MITF: variants seen among roughly 807,000 people sequenced by gnomAD.
MITF encodes the protein microphthalmia-associated transcription factor.
MITF carries 17 observed loss-of-function variants against 60.5 expected under a neutral mutation model. That is an observed-to-expected ratio of 0.28 (90% CI 0.19 to 0.42). MITF has a LOEUF of 0.42. MITF is among the 10% of genes least tolerant of loss of function. The pLI is 1.00. For synonymous variants in MITF, 260 were observed against 248.5 expected (o/e 1.05, Z -0.43); for missense variants, 622 against 683.5 (o/e 0.91, Z 1.00).
At chr3:69,949,294 A>G in intron 6 of MITF, 126 bp downstream of exon 6, 1 of 733,618 alleles carries the variant, frequency 1.4e-6, no homozygotes, top group Non-Finnish European at 2.5e-6. Flanking sequence ...AGGTCTCTGC[A>G]GTGGTTAAAA....
At chr3:69,829,672 G>GCA (rs34482357) in intron 1 of MITF, among the ~76,000 whole-genome samples, 3,686 of 150,530 alleles carry the variant, frequency 0.024, 100 homozygotes, top group Admixed American at 0.057. Context: ...AGGTGTGGAT[G>GCA]CACACACACA....
At chr3:69,808,900 G>A (rs1253951929) in intron 1 of MITF, among the ~76,000 whole-genome samples, 2 of 152,158 alleles carry the variant, frequency 1.3e-5, no homozygotes, top group East Asian at 3.9e-4. Context: ...AGAAGAGATT[G>A]AACAGGGATG....
chr3:69,923,327 A>G (rs2065510654), intron 2 of MITF, among the ~76,000 whole-genome samples: 1 of 152,200 alleles, frequency 6.6e-6, no homozygotes, highest in Non-Finnish European at 1.5e-5. Flanking sequence ...TACCTGTAAC[A>G]TAGCACTCAG....
intron 7 of MITF, among the ~76,000 whole-genome samples, chr3:69,953,446 C>T (rs2066307896): frequency 6.6e-6 from 1 of 151,974 alleles, no homozygotes; most frequent in Admixed American, 6.6e-5. Context: ...GGAATTAATA[C>T]TCAAGGTTAG....
At chr3:69,771,204 A>G (rs1394392372) in intron 1 of MITF, among the ~76,000 whole-genome samples, 1 of 150,612 alleles carries the variant, frequency 6.6e-6, no homozygotes, top group East Asian at 1.9e-4. Flanking sequence ...GAATTCTTTT[A>G]GGTGGTCACT....
At chr3:69,879,411 G>A (rs2107279244) in intron 2 of MITF, 28 bp downstream of exon 2, 1 of 1,614,018 alleles carries the variant, frequency 6.2e-7, no homozygotes, top group Non-Finnish European at 8.5e-7. Context: ...TTGTTGGTTG[G>A]ACCAAACTCT....
chr3:69,846,453 C>T (rs761961095), intron 1 of MITF, among the ~76,000 whole-genome samples: 1 of 152,122 alleles, frequency 6.6e-6, no homozygotes, highest in Non-Finnish European at 1.5e-5. Flanking sequence ...TAGTCCTTGG[C>T]TCTTGGTAAG....
chr3:69,799,515 A>T (rs189199995), intron 1 of MITF, among the ~76,000 whole-genome samples: 14 of 152,290 alleles, frequency 9.2e-5, no homozygotes, highest in Non-Finnish European at 2.1e-4. Flanking sequence ...GTAGGATGCC[A>T]CGTCTATCTG....
chr3:69,858,956 T>C (rs1484812298), intron 1 of MITF, among the ~76,000 whole-genome samples: 1 of 152,236 alleles, frequency 6.6e-6, no homozygotes, highest in East Asian at 1.9e-4. Context: ...TCTTGTACCA[T>C]GTTAAGTACT....
At chr3:69,956,669 T>A (rs1471676532) in intron 8 of MITF, 139 bp downstream of exon 8, 1 of 726,534 alleles carries the variant, frequency 1.4e-6, no homozygotes, top group Non-Finnish European at 2.4e-6. Context: ...TAAATTCTTC[T>A]TACACCTTTC....
At chr3:69,934,390 G>A (rs1278748447) in intron 2 of MITF, among the ~76,000 whole-genome samples, 1 of 152,086 alleles carries the variant, frequency 6.6e-6, no homozygotes, top group Non-Finnish European at 1.5e-5. Context: ...TTTCTAATAT[G>A]CTAAATATTG....
intron 1 of MITF, among the ~76,000 whole-genome samples, chr3:69,749,177 A>G (rs1344357877): frequency 6.6e-6 from 1 of 152,210 alleles, no homozygotes; most frequent in East Asian, 1.9e-4. Flanking sequence ...ATTGAGATGT[A>G]GCCACACTGT....
intron 1 of MITF, among the ~76,000 whole-genome samples, chr3:69,754,203 T>C (rs904172684): frequency 6.6e-6 from 1 of 151,906 alleles, no homozygotes; most frequent in Non-Finnish European, 1.5e-5. Context: ...GCACCACCCC[T>C]GTTAGTCTCT....
At chr3:69,932,974 C>T (rs2065755982) in intron 2 of MITF, among the ~76,000 whole-genome samples, 1 of 152,022 alleles carries the variant, frequency 6.6e-6, no homozygotes, top group Non-Finnish European at 1.5e-5. Context: ...AACAAATTAT[C>T]TCTCTAAACA....
At chr3:69,747,317 T>C (rs749182069) in intron 1 of MITF, among the ~76,000 whole-genome samples, 25 of 152,200 alleles carry the variant, frequency 1.6e-4, no homozygotes, top group Non-Finnish European at 2.6e-4. Context: ...GAAGGGGGCT[T>C]TTTATTCGGT....
chr3:69,794,433 A>G (rs1280432518), intron 1 of MITF, among the ~76,000 whole-genome samples: 2 of 152,200 alleles, frequency 1.3e-5, no homozygotes, highest in Non-Finnish European at 2.9e-5. Flanking sequence ...TTTTCCAAAT[A>G]GATGACTGTA....
At chr3:69,750,306 C>T (rs1703883007) in intron 1 of MITF, among the ~76,000 whole-genome samples, 1 of 151,614 alleles carries the variant, frequency 6.6e-6, no homozygotes, top group South Asian at 2.1e-4. Flanking sequence ...AAGTGAATCC[C>T]AGGATTTTCT....
chr3:69,847,391 T>C (rs2063750540), intron 1 of MITF, among the ~76,000 whole-genome samples: 1 of 152,192 alleles, frequency 6.6e-6, no homozygotes, highest in South Asian at 2.1e-4. Flanking sequence ...CTAGAGGAGA[T>C]TGAAAAGGCT....
intron 1 of MITF, among the ~76,000 whole-genome samples, chr3:69,770,709 G>A (rs1415539226): frequency 6.6e-6 from 1 of 152,172 alleles, no homozygotes; most frequent in Non-Finnish European, 1.5e-5. Context: ...GAGCACGAAA[G>A]CAAGAAGCAA....
Sources: allele counts gnomAD v4.1 joint callset (sites outside exome capture counted in the v4.1 genomes callset), GRCh38; gene constraint gnomAD v4.1.1; transcripts MANE v1.5; gene names NCBI Gene and HGNC (gene_info 2026-07-23, HGNC 2026-07-21).